Variants in BRMS1L observed in about 807,000 individuals in gnomAD.
BRMS1L encodes the protein breast cancer metastasis-suppressor 1-like protein.
In BRMS1L, 23 loss-of-function variants were observed where a neutral mutation model predicts 50.3. That is an observed-to-expected ratio of 0.46 (90% confidence interval 0.33 to 0.65). The LOEUF (loss-of-function observed/expected upper bound fraction) is 0.65. BRMS1L is among the 30% of genes least tolerant of loss of function. The pLI, the probability that BRMS1L is intolerant of heterozygous loss-of-function variation, is 0.02. For synonymous variants in BRMS1L, 114 were observed against 126.9 expected (o/e 0.90, Z 0.69); for missense variants, 286 against 386.1 (o/e 0.74, Z 2.17).
intron 4 of BRMS1L, among the ~76,000 whole-genome samples, chr14:35,850,284 C>T (rs1010544631): frequency 1.3e-5 from 2 of 150,280 alleles, no homozygotes; most frequent in Non-Finnish European, 3.0e-5. Context: ...CTCGGCTCAC[C>T]CCAACCTCTG....
intron 1 of BRMS1L, among the ~76,000 whole-genome samples, chr14:35,828,417 C>T (rs2077873681): frequency 6.6e-6 from 1 of 151,194 alleles, no homozygotes; most frequent in Non-Finnish European, 1.5e-5. Context: ...CGTGATCCAC[C>T]CACTTCAACC....
chr14:35,859,266 G>A (rs1022670912), intron 4 of BRMS1L, among the ~76,000 whole-genome samples: 9 of 152,060 alleles, frequency 5.9e-5, no homozygotes, highest in Non-Finnish European at 1.2e-4. Flanking sequence ...ATTCAAGAAA[G>A]AGTATTAGTC....
Position 35,865,756 on chromosome 14 carries a change from C to T in BRMS1L, c.722C>T (p.Thr241Met), listed in dbSNP as rs766445853. Reference sequence around the variant, plus strand: ...ACATTGGGGCCACACAGAGTGAAAACGGAACGTAAGTCATTTAGTCTGAGT... The same window carrying T: ...ACATTGGGGCCACACAGAGTGAAAATGGAACGTAAGTCATTTAGTCTGAGT... ...MATLGPHRVK[T>M]EPPVKLEKHL... The change falls in exon 8 of 10, where the codon ACG (threonine) becomes ATG (methionine). Residue 241 changes from threonine (T) to methionine (M), a missense_variant. Transcript: ENST00000216807. 21 of 1,594,644 alleles carry T rather than the reference C, an allele frequency of 1.3e-5. No individual in the cohort carries two copies. Among genetic ancestry groups the T allele is most frequent in the East Asian group, 4.5e-5 (2 of 44,142 alleles).
At position 35,862,705 on chromosome 14, in the gene BRMS1L, T is replaced by C; in HGVS notation, c.538+19T>C. On this transcript the variant is annotated intron_variant, in intron 5 of 9. Coordinates refer to ENST00000216807, the MANE Select transcript of BRMS1L (RefSeq NM_032352.4). Reference sequence around the variant, plus strand: ...ACCTCAGGTAAGGAGAATGATATGATTGTGATGTTTGAGTGGCACCAGACC... The same window carrying C: ...ACCTCAGGTAAGGAGAATGATATGACTGTGATGTTTGAGTGGCACCAGACC... 1.3e-6 allele frequency: 2 copies of C among 1,572,664 alleles called. No homozygotes were observed. Among genetic ancestry groups the C allele is most frequent in the Non-Finnish European group, 1.7e-6 (2 of 1,148,168 alleles).
rs531012774 is a variant in BRMS1L, at chr14:35,832,232, C to T, written c.233+732C>T. On this transcript the variant is annotated intron_variant, in intron 2 of 9. Coordinates refer to ENST00000216807, the MANE Select transcript of BRMS1L (RefSeq NM_032352.4). ...AAAATTAAGTAGGCTGGGCCGGGCA[C>T]GGTGGCTTACGCCTGTAATCCCAGC... is the stretch of plus-strand genomic sequence containing the variant. 2.8e-3 allele frequency among the ~76,000 whole-genome samples: 420 copies of T among 150,480 alleles called. 1 individual carries two copies. The highest frequency in any genetic ancestry group is 7.7e-3 in the Admixed American group (116 of 15,076).
chr14:35,863,982 T>A (rs1445676120), intron 6 of BRMS1L, 29 bp downstream of exon 6: 1 of 1,589,674 alleles, frequency 6.3e-7, no homozygotes, highest in Non-Finnish European at 8.6e-7. Flanking sequence ...TCTGTTTTTT[T>A]TTCCTTGATG....
intron 4 of BRMS1L, among the ~76,000 whole-genome samples, chr14:35,861,015 T>A (rs1001136916): frequency 6.6e-6 from 1 of 152,228 alleles, no homozygotes; most frequent in African/African-American, 2.4e-5. Context: ...TCCAGGTATC[T>A]TCTAGCTGTT....
At chr14:35,865,931 C>T (rs185116754) in intron 8 of BRMS1L, 170 bp downstream of exon 8, 83 of 609,940 alleles carry the variant, frequency 1.4e-4, no homozygotes, top group African/African-American at 1.3e-3. Flanking sequence ...GTAAAAGTTT[C>T]AAAATTTCTG....
At chr14:35,828,345 T>C (rs556156352) in intron 1 of BRMS1L, among the ~76,000 whole-genome samples, 182 of 148,786 alleles carry the variant, frequency 1.2e-3, no homozygotes, top group Middle Eastern at 3.7e-3. Flanking sequence ...GCTAATTTTT[T>C]GTATTTTTAG....
chr14:35,839,008 T>C (rs1022325655), intron 4 of BRMS1L, among the ~76,000 whole-genome samples: 14 of 152,188 alleles, frequency 9.2e-5, no homozygotes, highest in African/African-American at 3.1e-4. Flanking sequence ...TTTTAGGTCT[T>C]ATGTTTAAGT....
chr14:35,850,654 C>T (rs934888960), intron 4 of BRMS1L, among the ~76,000 whole-genome samples: 21 of 152,154 alleles, frequency 1.4e-4, no homozygotes, highest in African/African-American at 4.3e-4. Context: ...TTATCTTCTA[C>T]GTTTTATTCA....
intron 2 of BRMS1L, among the ~76,000 whole-genome samples, chr14:35,832,331 C>T (rs1367001561): frequency 6.8e-6 from 1 of 146,048 alleles, no homozygotes; most frequent in Non-Finnish European, 1.5e-5. Context: ...GGTGAAACCC[C>T]GTCTCTACTA....
At position 35,826,584 on chromosome 14, in the gene BRMS1L, C is replaced by T. The variant is rs1285820264; in HGVS notation, c.68C>T (p.Ala23Val). 1 of 1,610,536 alleles carries T rather than the reference C, an allele frequency of 6.2e-7. No homozygotes were observed. The highest frequency in any genetic ancestry group is 2.2e-5 in the East Asian group (1 of 44,768). ...CACGATGAGATGGAGGTGGACTACG[C>T]CGAAAATGAGGGGAGCAGCTCCGAG... ...NHHDEMEVDYAENEGSSSEDE... is the reference protein window; with the variant it reads ...NHHDEMEVDYVENEGSSSEDE... The change falls in exon 1 of 10, where the codon GCC becomes GTC. Residue 23 changes from alanine to valine, a missense_variant. By Grantham distance (64) the Ala-to-Val change is moderately conservative. This residue lies in a region of BRMS1L where 66 missense variants were observed against 67.8 expected (regional missense o/e 0.97). Transcript: ENST00000216807.
intron 4 of BRMS1L, among the ~76,000 whole-genome samples, chr14:35,860,133 T>G (rs983959163): frequency 2.0e-5 from 3 of 152,120 alleles, no homozygotes; most frequent in African/African-American, 7.2e-5. Flanking sequence ...GTTAAAATCA[T>G]TTTTCTTTTT....
chr14:35,847,873 T>A (rs1269128875), intron 4 of BRMS1L, among the ~76,000 whole-genome samples: 1 of 152,264 alleles, frequency 6.6e-6, no homozygotes, highest in African/African-American at 2.4e-5. Flanking sequence ...CTGCTGATAA[T>A]GATAGGATTT....
intron 2 of BRMS1L, 132 bp from the exon 3 acceptor site, chr14:35,832,846 G>A: frequency 2.5e-6 from 2 of 809,440 alleles, no homozygotes; most frequent in Non-Finnish European, 3.7e-6. Flanking sequence ...CTCTGCTTGA[G>A]ATCAAGGCAA....
At chr14:35,848,188 A>G (rs1397136127) in intron 4 of BRMS1L, among the ~76,000 whole-genome samples, 1 of 152,192 alleles carries the variant, frequency 6.6e-6, no homozygotes, top group Non-Finnish European at 1.5e-5. Flanking sequence ...CTTAAGGTGT[A>G]TAGCATGATG....
chr14:35,832,889 A>T, intron 2 of BRMS1L, 89 bp from the exon 3 acceptor site: 1 of 1,141,976 alleles, frequency 8.8e-7, no homozygotes, highest in African/African-American at 1.6e-5. Context: ...AATATAAATG[A>T]TATTGGGAAC....
In BRMS1L at chr14:35,854,694, T is replaced by C. The variant is rs564456220; in HGVS notation, c.442-7896T>C. On this transcript the variant is annotated intron_variant, in intron 4 of 9. Coordinates refer to ENST00000216807, the MANE Select transcript of BRMS1L (RefSeq NM_032352.4). Reference sequence around the variant, plus strand: ...TTCTTTGCTGTCTAAGTCTACTGTTTTTTATTTCTTTCATATCTCACAGCT... The same window carrying C: ...TTCTTTGCTGTCTAAGTCTACTGTTCTTTATTTCTTTCATATCTCACAGCT... 7.2e-5 allele frequency among the ~76,000 whole-genome samples: 11 copies of C among 152,364 alleles called. No homozygotes were observed. In the South Asian group the frequency reaches 2.3e-3, roughly 32 times the overall value.
Sources: allele counts gnomAD v4.1 joint callset (sites outside exome capture counted in the v4.1 genomes callset), GRCh38; gene constraint gnomAD v4.1.1; regional missense constraint gnomAD v4.1.1; transcripts MANE v1.5; gene names NCBI Gene and HGNC (gene_info 2026-07-23, HGNC 2026-07-21).